Variants in CD86 observed in about 807,000 individuals in gnomAD.
CD86 encodes the protein T-lymphocyte activation antigen CD86.
Under a neutral mutation model 32.1 loss-of-function variants are expected in CD86, and 11 were observed. The observed-to-expected ratio is 0.34, with a 90% CI of 0.22 to 0.57. CD86 has a LOEUF of 0.57. CD86 is among the 20% of genes least tolerant of loss of function. The pLI is 0.86. For missense variants in CD86, 359 were observed against 398.4 expected (o/e 0.90, Z 0.84); for synonymous variants, 137 against 135.3 (o/e 1.01, Z -0.09).
At chr3:122,056,008 T>C (rs1218732557) in intron 1 of CD86, among the ~76,000 whole-genome samples, 3 of 152,106 alleles carry the variant, frequency 2.0e-5, no homozygotes, top group African/African-American at 7.2e-5. Context: ...GGTTGGGTAG[T>C]GGAAGGAGGT....
At chr3:122,106,850 A>ACACACACACG (rs2107542158) in intron 4 of CD86, among the ~76,000 whole-genome samples, 1 of 151,826 alleles carries the variant, frequency 6.6e-6, no homozygotes, top group Admixed American at 6.6e-5. Context: ...GCACACACAC[A>ACACACACACG]CACACACACA....
At chr3:122,087,645 G>A (rs746620163) in intron 1 of CD86, among the ~76,000 whole-genome samples, 1 of 152,166 alleles carries the variant, frequency 6.6e-6, no homozygotes, top group Non-Finnish European at 1.5e-5. Flanking sequence ...AGTGTCCAGA[G>A]TGTTTTCTAG....
intron 2 of CD86, among the ~76,000 whole-genome samples, chr3:122,097,569 G>T (rs80340446): frequency 6.6e-6 from 1 of 152,186 alleles, no homozygotes; most frequent in Admixed American, 6.5e-5. Flanking sequence ...GACTTAGGGG[G>T]TCGCCTTACC....
intron 1 of CD86, among the ~76,000 whole-genome samples, chr3:122,062,383 C>T (rs1377560383): frequency 1.3e-5 from 2 of 152,116 alleles, no homozygotes; most frequent in Non-Finnish European, 2.9e-5. Context: ...TCTCCATGTC[C>T]TTAGTACATT....
At chr3:122,092,238 A>G (rs1174176306) in intron 2 of CD86, 2 of 152,396 alleles carry the variant, frequency 1.3e-5, no homozygotes, top group African/African-American at 4.8e-5. Context: ...GGAGCCAATG[A>G]AGCTGAAGCT....
chr3:122,081,383 TG>T (rs1224366941), intron 1 of CD86, among the ~76,000 whole-genome samples: 5 of 152,214 alleles, frequency 3.3e-5, no homozygotes, highest in Non-Finnish European at 5.9e-5. Flanking sequence ...ATCAAAAATA[TG>T]GCTGAAATAT....
Position 122,091,669 on chromosome 3 carries a change from TG to T in CD86, c.64+20del, listed in dbSNP as rs1309125741. 6.2e-7 allele frequency: 1 copy of T among 1,604,110 alleles called. No individual in the cohort carries two copies. ...CTCTCTGGTAAGAACCTTTCAGCTTTGTTAAGTCCTGGAATCCTACTGTCTC... is the reference window on the plus strand; with the variant it reads ...CTCTCTGGTAAGAACCTTTCAGCTTTTTAAGTCCTGGAATCCTACTGTCTC... On this transcript the variant is annotated intron_variant, in intron 2 of 6. Coordinates refer to ENST00000330540, the MANE Select transcript of CD86 (RefSeq NM_175862.5).
intron 5 of CD86, among the ~76,000 whole-genome samples, chr3:122,114,449 C>A (rs1466470313): frequency 6.6e-6 from 1 of 151,972 alleles, no homozygotes; most frequent in Non-Finnish European, 1.5e-5. Flanking sequence ...ACTGTAGTCC[C>A]TGAGTGAAGG....
At chr3:122,072,401 G>C (rs1040103623) in intron 1 of CD86, among the ~76,000 whole-genome samples, 19 of 152,038 alleles carry the variant, frequency 1.2e-4, no homozygotes, top group African/African-American at 4.3e-4. Flanking sequence ...GTTGTTTCCT[G>C]ACTTTTTAAT....
intron 1 of CD86, among the ~76,000 whole-genome samples, chr3:122,071,475 T>C (rs1438623070): frequency 6.6e-6 from 1 of 152,212 alleles, no homozygotes; most frequent in Non-Finnish European, 1.5e-5. Flanking sequence ...TTTCTATTTA[T>C]TACCACATAA....
intron 1 of CD86, among the ~76,000 whole-genome samples, chr3:122,081,397 A>C (rs1245069550): frequency 6.6e-6 from 1 of 152,242 alleles, no homozygotes; most frequent in East Asian, 1.9e-4. Context: ...TGAAATATTT[A>C]TCCAGTGAAA....
At chr3:122,092,383 T>A (rs1280215698) in intron 2 of CD86, among the ~76,000 whole-genome samples, 1 of 152,242 alleles carries the variant, frequency 6.6e-6, no homozygotes, top group African/African-American at 2.4e-5. Flanking sequence ...CAATAAGTTA[T>A]GACCACTGTC....
chr3:122,077,020 ACTTTTAATGTCTC>A (rs974956129), intron 1 of CD86, among the ~76,000 whole-genome samples: 1 of 152,158 alleles, frequency 6.6e-6, no homozygotes, highest in Non-Finnish European at 1.5e-5. Flanking sequence ...TCACTTTGTC[ACTTTTAATGTCTC>A]CTGCTTCACA....
chr3:122,059,531 G>A (rs146421487), intron 1 of CD86, among the ~76,000 whole-genome samples: 2,320 of 142,392 alleles, frequency 0.016, 64 homozygotes, highest in African/African-American at 0.056. Context: ...GTGAGACTCC[G>A]TCTCAAAAAA....
chr3:122,068,215 TA>T (rs1250777921), intron 1 of CD86, among the ~76,000 whole-genome samples: 2 of 152,224 alleles, frequency 1.3e-5, no homozygotes, highest in East Asian at 3.8e-4. Flanking sequence ...AGTGTACATT[TA>T]ATTTATACTC....
At chr3:122,094,603 C>T (rs945985849) in intron 2 of CD86, among the ~76,000 whole-genome samples, 2 of 152,182 alleles carry the variant, frequency 1.3e-5, no homozygotes, top group Non-Finnish European at 1.5e-5. Context: ...GCCACAGGGC[C>T]GGCTTCCAAA....
chr3:122,114,088 T>C (rs2073214488), intron 5 of CD86, among the ~76,000 whole-genome samples: 1 of 151,954 alleles, frequency 6.6e-6, no homozygotes, highest in African/African-American at 2.4e-5. Flanking sequence ...CCATTTCTAC[T>C]AAACATACAA....
rs267599572 is a variant in CD86 at position 122,109,304 on chromosome 3, G to A, written c.743G>A (p.Trp248Ter). 6.2e-7 allele frequency: 1 copy of A among 1,613,962 alleles called. No individual in the cohort carries two copies. Among genetic ancestry groups the A allele is most frequent in the Non-Finnish European group, 8.5e-7 (1 of 1,179,928 alleles). Reference sequence around the variant, plus strand: ...CAGCCTCCCCCAGACCACATTCCTTGGATTACAGCTGTACTTCCAACAGTT... The same window carrying A: ...CAGCCTCCCCCAGACCACATTCCTTAGATTACAGCTGTACTTCCAACAGTT... ...DPQPPPDHIP[W>*]ITAVLPTVII... Residue 248 changes from tryptophan to a stop codon, truncating the protein, a stop_gained, in exon 5 of 7, where the codon TGG becomes TAG. Transcript: ENST00000330540. LOFTEE classifies it high-confidence loss of function.
In CD86 at chr3:122,117,923, T is replaced by G. The variant is rs1035625148; in HGVS notation, c.848-125T>G. ...AAATTGCATCATTTGAGTAACTATCTCTTCCATATATAAAGTCACAACAAT... is the reference window on the plus strand; with the variant it reads ...AAATTGCATCATTTGAGTAACTATCGCTTCCATATATAAAGTCACAACAAT... On this transcript the variant is annotated intron_variant, in intron 5 of 6. Coordinates refer to ENST00000330540, the MANE Select transcript of CD86 (RefSeq NM_175862.5). 4 of 749,592 alleles carry G rather than the reference T, an allele frequency of 5.3e-6. No individual in the cohort carries two copies. In the African/African-American group the frequency reaches 7.0e-5, roughly 13 times the overall value. The allele number at this position is 749,592 out of a possible 1,614,324, so 46.4% of individuals were successfully genotyped here. A position where few individuals can be genotyped will look rare whatever the true frequency, so the allele number is the denominator to read the frequency against.
Sources: gnomAD v4.1 joint callset for allele counts (sites outside exome capture counted in the v4.1 genomes callset) on GRCh38, gnomAD v4.1.1 for gene constraint, MANE v1.5 for transcripts, NCBI Gene and HGNC (gene_info 2026-07-23, HGNC 2026-07-21) for gene names.